NMT1: variants seen among roughly 807,000 people sequenced by gnomAD.
The protein encoded by NMT1 is N-myristoyltransferase 1.
Under a neutral mutation model 63.4 loss-of-function variants are expected in NMT1, and 12 were observed. That is an observed-to-expected ratio of 0.19 (90% CI 0.12 to 0.31). The LOEUF (loss-of-function observed/expected upper bound fraction) is 0.31. Ranked by LOEUF, NMT1 falls within the 10% of genes least tolerant of loss-of-function variation. The probability of loss-of-function intolerance (pLI) is 1.00; values close to 1 mark genes in which losing one functional copy is unlikely to be tolerated. For synonymous variants in NMT1, 228 were observed against 234.3 expected, an observed-to-expected ratio of 0.97 and a Z score of 0.25; for missense variants, 432 against 634.6, an observed-to-expected ratio of 0.68 and a Z score of 3.43.
chr17:45,075,609 G>T (rs749480461), intron 1 of NMT1, among the ~76,000 whole-genome samples: 1 of 151,242 alleles, frequency 6.6e-6, no homozygotes, highest in Non-Finnish European at 1.5e-5. Context: ...GTGAAACCCC[G>T]TCTCTACTAA....
intron 3 of NMT1, among the ~76,000 whole-genome samples, chr17:45,090,732 A>G (rs921099873): frequency 3.9e-5 from 6 of 152,002 alleles, no homozygotes; most frequent in Non-Finnish European, 8.8e-5. Flanking sequence ...GCAGAAAGAA[A>G]CCCATTGAAA....
intron 3 of NMT1, among the ~76,000 whole-genome samples, chr17:45,091,186 T>TCA (rs1567868410): frequency 1.4e-5 from 1 of 71,812 alleles, no homozygotes; most frequent in Non-Finnish European, 3.1e-5. Context: ...AGGTCTTTCC[T>TCA]GACACACACA....
chr17:45,106,597 C>T lies in NMT1; in HGVS notation c.*958C>T, dbSNP rs374822197. On this transcript the variant is annotated 3_prime_UTR_variant, in exon 12 of 12. Coordinates refer to ENST00000258960, the MANE Select transcript of NMT1 (RefSeq NM_021079.5). ...TTATCAGTGTAAGCCCTGCTTAGCT[C>T]ATCTTAGAGCAAAGAGCCAGCACCC... 9.8e-5 allele frequency: 15 copies of T among 152,816 alleles called. No homozygotes were observed. Among genetic ancestry groups the T allele is most frequent in the African/African-American group, 3.4e-4 (14 of 41,584 alleles). The allele number at this position is 152,816 out of a possible 1,614,324, so 9.5% of individuals were successfully genotyped here. A position where few individuals can be genotyped will look rare whatever the true frequency, so the allele number is the denominator to read the frequency against.
At chr17:45,087,531 C>T (rs749538764) in intron 3 of NMT1, among the ~76,000 whole-genome samples, 2 of 152,174 alleles carry the variant, frequency 1.3e-5, no homozygotes, top group African/African-American at 4.8e-5. Context: ...TCCTGTTAGA[C>T]GTGCCTGCCA....
chr17:45,103,214 C>G lies in NMT1; in HGVS notation c.1164+93C>G. ...GTTCCCAGGGCTCGAGTGTTGGCAC[C>G]TTAGACTTCCTTGACCATCCGTGTT... is the stretch of plus-strand genomic sequence containing the variant. On this transcript the variant is annotated intron_variant, in intron 9 of 11. Coordinates refer to ENST00000258960, the MANE Select transcript of NMT1 (RefSeq NM_021079.5). This position sits in a 1 kb window ranked among gnomAD's most constrained non-coding sequence, Gnocchi z 4.8. 1 of 1,217,792 alleles carries G rather than the reference C, an allele frequency of 8.2e-7. No homozygotes were observed. The highest frequency in any genetic ancestry group is 1.2e-6 in the Non-Finnish European group (1 of 853,110). 75.4% of individuals were successfully genotyped at this position (1,217,792 alleles called of 1,614,324 possible).
chr17:45,086,711 C>A, intron 3 of NMT1, 59 bp downstream of exon 3: 1 of 1,520,550 alleles, frequency 6.6e-7, no homozygotes, highest in Non-Finnish European at 8.8e-7. Context: ...CTCAGCTGTG[C>A]CTTCATGAGG....
chr17:45,085,211 CCACTG>C (rs1266809971), intron 2 of NMT1, among the ~76,000 whole-genome samples: 1 of 152,080 alleles, frequency 6.6e-6, no homozygotes, highest in Non-Finnish European at 1.5e-5. Context: ...CATGATTGTG[CCACTG>C]CACTCCAGCC....
At chr17:45,099,247 G>T (rs1356634036) in intron 7 of NMT1, among the ~76,000 whole-genome samples, 158 bp from the exon 8 acceptor site, 3 of 152,208 alleles carry the variant, frequency 2.0e-5, no homozygotes, top group African/African-American at 7.2e-5. Context: ...CACTCACTGT[G>T]GGGAGGGGGA....
chr17:45,096,390 G>A (rs2054125043), intron 5 of NMT1, 105 bp downstream of exon 5: 1 of 824,688 alleles, frequency 1.2e-6, no homozygotes, highest in Non-Finnish European at 2.1e-6. Flanking sequence ...CCTTTGAATG[G>A]CAAATTAGTG....
At chr17:45,064,547 G>A (rs2143445154) in intron 1 of NMT1, among the ~76,000 whole-genome samples, 1 of 152,348 alleles carries the variant, frequency 6.6e-6, no homozygotes, top group Admixed American at 6.5e-5. Context: ...CTGAGGCCAG[G>A]CGCGGTGGCG....
rs1442116769 is a variant in NMT1 at position 45,100,599 on chromosome 17, C to T, written c.993+1086C>T. ...AAAGAAGCCTGGGCGTGGTGGCTCA[C>T]GCCTGTAATCCCAGCACTTTGGGAG... is the stretch of plus-strand genomic sequence containing the variant. On this transcript the variant is annotated intron_variant, in intron 8 of 11. Transcript: ENST00000258960. 5.3e-5 allele frequency among the ~76,000 whole-genome samples: 8 copies of T among 150,002 alleles called. 1 individual carries two copies. The highest frequency in any genetic ancestry group is 4.0e-4 in the East Asian group (2 of 5,060).
rs1405974078 is a variant in NMT1 at position 45,076,451 on chromosome 17, G to GA, written c.132-5179dup. 6.2e-3 allele frequency among the ~76,000 whole-genome samples: 799 copies of GA among 128,456 alleles called. 1 individual carries two copies. The highest frequency in any genetic ancestry group is 0.015 in the African/African-American group (536 of 34,926). The allele number at this position is 128,456 out of a possible 152,430, so 84.3% of individuals were successfully genotyped here. A position where few individuals can be genotyped will look rare whatever the true frequency, so the allele number is the denominator to read the frequency against. ...AGCTCAGTGAAAATGACTCATTAAAGAAAAAAAAAAAAAAGTGGCCAGGCA... is the reference window on the plus strand; with the variant it reads ...AGCTCAGTGAAAATGACTCATTAAAGAAAAAAAAAAAAAAAGTGGCCAGGCA... On this transcript the variant is annotated intron_variant, in intron 1 of 11. Transcript: ENST00000258960.
chr17:45,062,950 C>T lies in NMT1; in HGVS notation c.131+1490C>T, dbSNP rs186864038. Among the ~76,000 whole-genome samples, 267 of 152,128 alleles carry T rather than the reference C, an allele frequency of 1.8e-3. 1 individual carries two copies. Among genetic ancestry groups the T allele is most frequent in the African/African-American group, 6.2e-3 (258 of 41,486 alleles). ...ACAGGAAGGGCCGGGCATGGTGGCT[C>T]ATGCCTGTAATCCCAGTACTTTGGG... On this transcript the variant is annotated intron_variant, in intron 1 of 11. Transcript: ENST00000258960.
Position 45,104,801 on chromosome 17 carries a change from G to A in NMT1, c.1333-58G>A, listed in dbSNP as rs1477813062. On this transcript the variant is annotated intron_variant, in intron 10 of 11. Transcript: ENST00000258960. This position sits in a 1 kb window ranked among gnomAD's most constrained non-coding sequence, Gnocchi z 4.2. ...CTTTGAAATGGCAGCAAAGGGGTAG[G>A]AAGGAGGCTGTCCCCACCTGTCCTC... The A allele has an allele frequency of 1.2e-6, 2 of 1,603,886 alleles. No homozygotes were observed. Among genetic ancestry groups the A allele is most frequent in the Non-Finnish European group, 1.7e-6 (2 of 1,172,418 alleles).
chr17:45,093,584 C>G (rs1021108093), intron 3 of NMT1, 101 bp from the exon 4 acceptor site: 1 of 863,188 alleles, frequency 1.2e-6, no homozygotes, highest in Admixed American at 2.4e-5. Context: ...ATAGAGGGCT[C>G]CTAGGGACAG....
intron 2 of NMT1, among the ~76,000 whole-genome samples, chr17:45,086,273 C>T (rs2054051824): frequency 6.6e-6 from 1 of 151,722 alleles, no homozygotes; most frequent in South Asian, 2.1e-4. Flanking sequence ...TACAGGTGCC[C>T]GCCACCACGC....
At chr17:45,069,803 A>G (rs2053928083) in intron 1 of NMT1, among the ~76,000 whole-genome samples, 1 of 151,728 alleles carries the variant, frequency 6.6e-6, no homozygotes, top group Non-Finnish European at 1.5e-5. Context: ...TCTCTTCATG[A>G]TAGACAAATA....
At chr17:45,069,284 A>C (rs1406637762) in intron 1 of NMT1, among the ~76,000 whole-genome samples, 1 of 142,340 alleles carries the variant, frequency 7.0e-6, no homozygotes, top group Non-Finnish European at 1.5e-5. Flanking sequence ...TTATTTATTT[A>C]TTTATTTATT....
At chr17:45,083,178 G>T (rs2054027801) in intron 2 of NMT1, among the ~76,000 whole-genome samples, 1 of 151,634 alleles carries the variant, frequency 6.6e-6, no homozygotes, top group South Asian at 2.1e-4. Context: ...AATTAGCCAG[G>T]CGTGGTGGCA....
Sources: gnomAD v4.1 joint callset for allele counts (sites outside exome capture counted in the v4.1 genomes callset) on GRCh38, gnomAD v4.1.1 for gene constraint, Gnocchi (gnomAD v3.1) non-coding constraint, MANE v1.5 for transcripts, NCBI Gene and HGNC (gene_info 2026-07-23, HGNC 2026-07-21) for gene names.